Variants in RPTOR observed in about 807,000 individuals in gnomAD.
The protein encoded by RPTOR is regulatory-associated protein of mTOR.
RPTOR carries 21 observed loss-of-function variants against 169.9 expected under a neutral mutation model. That is an observed-to-expected ratio of 0.12 (90% CI 0.09 to 0.18). RPTOR has a LOEUF of 0.18. Among genes scored for constraint, RPTOR ranks in the 10% least tolerant of loss-of-function variants. The pLI is 1.00. For missense variants in RPTOR, 1,133 were observed against 1,855.9 expected (o/e 0.61, Z 7.16); for synonymous variants, 732 against 753.2 (o/e 0.97, Z 0.46).
At chr17:80,871,495 G>C (rs1453013201) in intron 13 of RPTOR, among the ~76,000 whole-genome samples, 1 of 152,182 alleles carries the variant, frequency 6.6e-6, no homozygotes, top group African/African-American at 2.4e-5. Context: ...CGCTGGCCTG[G>C]GTCCCTGGCT....
intron 7 of RPTOR, among the ~76,000 whole-genome samples, chr17:80,816,233 T>C (rs1227095690): frequency 6.6e-6 from 1 of 152,252 alleles, no homozygotes; most frequent in Non-Finnish European, 1.5e-5. Context: ...CAGAAGGGCC[T>C]GGCCCGAGAA....
intron 11 of RPTOR, among the ~76,000 whole-genome samples, chr17:80,852,917 C>T (rs960981596): frequency 3.9e-5 from 6 of 152,062 alleles, no homozygotes; most frequent in African/African-American, 1.4e-4. Flanking sequence ...TCGTCCCTTT[C>T]CCCTGCCTCT....
intron 3 of RPTOR, among the ~76,000 whole-genome samples, chr17:80,692,383 A>G (rs1286447998): frequency 1.3e-5 from 2 of 152,098 alleles, no homozygotes; most frequent in Non-Finnish European, 2.9e-5. Flanking sequence ...GCGCAGTGGC[A>G]TGATCTCGGC....
At chr17:80,735,922 A>C (rs1490272554) in intron 5 of RPTOR, among the ~76,000 whole-genome samples, 1 of 152,200 alleles carries the variant, frequency 6.6e-6, no homozygotes, top group African/African-American at 2.4e-5. Context: ...CTGTAATCCC[A>C]GCACTTTGGA....
intron 24 of RPTOR, among the ~76,000 whole-genome samples, chr17:80,931,513 G>A (rs139171668): frequency 6.6e-6 from 1 of 152,330 alleles, no homozygotes; most frequent in Non-Finnish European, 1.5e-5. Context: ...GGTGGGACAC[G>A]AGAAGAGCCC....
chr17:80,561,281 ATATATATT>A (rs2084490215), intron 1 of RPTOR, among the ~76,000 whole-genome samples: 1 of 110,390 alleles, frequency 9.1e-6, no homozygotes, highest in Non-Finnish European at 1.9e-5. Flanking sequence ...ATATATATAT[ATATATATT>A]TAGTAGAGAT....
chr17:80,637,376 G>A (rs541082251), intron 2 of RPTOR, among the ~76,000 whole-genome samples: 5 of 152,316 alleles, frequency 3.3e-5, no homozygotes, highest in African/African-American at 7.2e-5. Flanking sequence ...CTGGCGAGAC[G>A]GGGTCACAGC....
At chr17:80,915,874 C>T (rs532582942) in intron 21 of RPTOR, among the ~76,000 whole-genome samples, 15 of 151,108 alleles carry the variant, frequency 9.9e-5, no homozygotes, top group African/African-American at 2.4e-4. Context: ...GCTGAGCAGA[C>T]GTCGGGAAAA....
chr17:80,764,880 T>C (rs1397996641), intron 6 of RPTOR, among the ~76,000 whole-genome samples: 1 of 152,232 alleles, frequency 6.6e-6, no homozygotes, highest in East Asian at 1.9e-4. Context: ...GGTATCTCAT[T>C]GTGGTTTTGA....
intron 17 of RPTOR, among the ~76,000 whole-genome samples, chr17:80,885,353 T>C (rs1324218738): frequency 1.3e-5 from 2 of 152,226 alleles, no homozygotes; most frequent in Non-Finnish European, 2.9e-5. Context: ...TTTAAAGGCA[T>C]CTAGCAGGCT....
chr17:80,564,446 C>T (rs1053004408), intron 1 of RPTOR, among the ~76,000 whole-genome samples: 1 of 152,116 alleles, frequency 6.6e-6, no homozygotes, highest in African/African-American at 2.4e-5. Context: ...CTAGGAGATA[C>T]CGCCACACCC....
chr17:80,612,966 AT>A (rs2065281657), intron 1 of RPTOR, among the ~76,000 whole-genome samples: 1 of 152,252 alleles, frequency 6.6e-6, no homozygotes, highest in Non-Finnish European at 1.5e-5. Context: ...ATGTATAGTT[AT>A]AAAAAGAACC....
chr17:80,593,019 G>GT (rs2065118820), intron 1 of RPTOR, among the ~76,000 whole-genome samples: 1 of 152,150 alleles, frequency 6.6e-6, no homozygotes. Flanking sequence ...TTCTGCACGT[G>GT]TTTTTACCCC....
chr17:80,574,319 C>T (rs1039292200), intron 1 of RPTOR, among the ~76,000 whole-genome samples: 4 of 150,804 alleles, frequency 2.7e-5, no homozygotes, highest in East Asian at 1.9e-4. Flanking sequence ...CGCCCGCCAC[C>T]GCGCCCGGCT....
At chr17:80,824,547 C>G (rs181590213) in intron 9 of RPTOR, among the ~76,000 whole-genome samples, 1 of 152,034 alleles carries the variant, frequency 6.6e-6, no homozygotes, top group Admixed American at 6.6e-5. Context: ...TAAATCCTGT[C>G]TCTATTTCCT....
intron 5 of RPTOR, among the ~76,000 whole-genome samples, chr17:80,744,601 T>C (rs113152988): frequency 0.016 from 276 of 17,464 alleles, 16 homozygotes; most frequent in African/African-American, 0.054. Context: ...ACTGTCCTGG[T>C]TACTAGCACA....
At chr17:80,573,633 C>T (rs11150865) in intron 1 of RPTOR, among the ~76,000 whole-genome samples, 28,783 of 152,124 alleles carry the variant, frequency 0.19, 3,017 homozygotes, top group East Asian at 0.28. Flanking sequence ...ATGATATCTC[C>T]ATGTCATCAG....
chr17:80,847,647 C>T (rs2333988), intron 11 of RPTOR, among the ~76,000 whole-genome samples: 1 of 152,172 alleles, frequency 6.6e-6, no homozygotes, highest in South Asian at 2.1e-4. Flanking sequence ...TGACTCCCCC[C>T]ACACACAGGA....
At chr17:80,716,747 A>G (rs2143138211) in intron 4 of RPTOR, among the ~76,000 whole-genome samples, 1 of 152,336 alleles carries the variant, frequency 6.6e-6, no homozygotes, top group Middle Eastern at 3.4e-3. Flanking sequence ...ATTTTTGTAT[A>G]AAGTGAGAGA....
Sources: allele counts gnomAD v4.1 joint callset (sites outside exome capture counted in the v4.1 genomes callset), GRCh38; gene constraint gnomAD v4.1.1; transcripts MANE v1.5; gene names NCBI Gene and HGNC (gene_info 2026-07-23, HGNC 2026-07-21).